The following AFTPH variants were observed in gnomAD, a reference collection of about 807,000 sequenced individuals.
AFTPH encodes aftiphilin protein.
In AFTPH, 7 loss-of-function variants were observed where a neutral mutation model predicts 72.5. The ratio of observed to expected loss-of-function variants is 0.10; its 90% confidence interval spans 0.05 to 0.18. AFTPH has a LOEUF of 0.18. AFTPH is among the 10% of genes least tolerant of loss of function. The pLI, the probability that AFTPH is intolerant of heterozygous loss-of-function variation, is 1.00. For synonymous variants in AFTPH, 337 were observed against 370.1 expected, an observed-to-expected ratio of 0.91 and a Z score of 1.03; for missense variants, 979 against 1,060.5, an observed-to-expected ratio of 0.92 and a Z score of 1.07.
At chr2:64,526,514 A>G (rs936125543) in intron 1 of AFTPH, among the ~76,000 whole-genome samples, 1 of 152,210 alleles carries the variant, frequency 6.6e-6, no homozygotes, top group African/African-American at 2.4e-5. Context: ...TGTTACCTAC[A>G]CTTTGTAGAT....
At chr2:64,584,593 ATTTT>A (rs5831705) in intron 7 of AFTPH, among the ~76,000 whole-genome samples, 4 of 117,000 alleles carry the variant, frequency 3.4e-5, no homozygotes, top group Admixed American at 1.9e-4. Context: ...CTTAGTCATG[ATTTT>A]TTTTTTTTTT....
chr2:64,553,070 A>G (rs1401682211), exon 2 of AFTPH: 6 of 1,614,112 alleles, frequency 3.7e-6, no homozygotes, highest in African/African-American at 2.7e-5. Flanking sequence ...AAAATGGGCA[A>G]GAAGGTGAGA....
Position 64,552,278 on chromosome 2 carries a change from T to C in AFTPH, c.804T>C (p.Asn268=), listed in dbSNP as rs762201238. 3 of 1,614,080 alleles carry C rather than the reference T, an allele frequency of 1.9e-6. No homozygotes were observed. The Admixed American group carries it at 5.0e-5, about 27-fold the overall frequency. ...CCATTCGGGAAAACAATAAAATTAA[T>C]AGAGTCAATGAACTGAATTCTGTAA... Residue 268 remains asparagine, a synonymous_variant, in exon 2 of 9, where the codon AAT becomes AAC. Coordinates refer to ENST00000238856, the Ensembl canonical transcript of AFTPH.
Position 64,553,001 on chromosome 2 carries a change from A to G in AFTPH, c.1527A>G (p.Glu509=), listed in dbSNP as rs1041446665. 3.7e-6 allele frequency: 6 copies of G among 1,614,060 alleles called. No homozygotes were observed. The Admixed American group carries it at 8.3e-5, about 22-fold the overall frequency. The stretch of plus-strand genomic sequence containing the variant: ...AACAGACTTCTGATAATTTATCAGA[A>G]GAATGTCAATTGGCAAGAAAATCTA... The change falls in exon 2 of 9, where the codon GAA becomes GAG. Residue 509 remains glutamate, a synonymous_variant. Coordinates refer to ENST00000238856, the Ensembl canonical transcript of AFTPH.
intron 7 of AFTPH, chr2:64,579,943 A>G (rs944916441): frequency 4.4e-5 from 7 of 158,186 alleles, no homozygotes; most frequent in Non-Finnish European, 8.0e-5. Context: ...ACAAAGCACA[A>G]TTATTTAGCC....
At chr2:64,584,155 G>C (rs1673366570) in intron 7 of AFTPH, among the ~76,000 whole-genome samples, 1 of 151,730 alleles carries the variant, frequency 6.6e-6, no homozygotes, top group Non-Finnish European at 1.5e-5. Flanking sequence ...CAAGTTATTT[G>C]CTGGTACCAG....
At chr2:64,588,397 T>C (rs2104258381) in intron 8 of AFTPH, among the ~76,000 whole-genome samples, 1 of 152,354 alleles carries the variant, frequency 6.6e-6, no homozygotes, top group African/African-American at 2.4e-5. Flanking sequence ...GTTGCTGCTG[T>C]GAACACTTGT....
At chr2:64,590,412 C>T (rs1673757079) in intron 8 of AFTPH, among the ~76,000 whole-genome samples, 1 of 152,158 alleles carries the variant, frequency 6.6e-6, no homozygotes, top group African/African-American at 2.4e-5. Flanking sequence ...TGTTATATCA[C>T]ATCAGAAGAT....
intron 6 of AFTPH, among the ~76,000 whole-genome samples, chr2:64,574,098 A>G (rs1356197218): frequency 1.3e-5 from 2 of 152,220 alleles, no homozygotes; most frequent in East Asian, 1.9e-4. Flanking sequence ...TACTCTTTCC[A>G]TATCAAGTTA....
At chr2:64,551,318 G>T (rs1218332856) in intron 1 of AFTPH, 125 bp from the exon 2 acceptor site, 7 of 746,268 alleles carry the variant, frequency 9.4e-6, no homozygotes, top group Non-Finnish European at 1.5e-5. Flanking sequence ...CATGGTCAAG[G>T]AAAAAAGGAG....
At chr2:64,525,736 T>G (rs1175079093) in intron 1 of AFTPH, among the ~76,000 whole-genome samples, 1 of 152,224 alleles carries the variant, frequency 6.6e-6, no homozygotes, top group African/African-American at 2.4e-5. Context: ...TTAATATAAT[T>G]AACACAGTCA....
intron 7 of AFTPH, among the ~76,000 whole-genome samples, chr2:64,583,214 C>T (rs1014211877): frequency 2.7e-5 from 4 of 150,590 alleles, no homozygotes; most frequent in African/African-American, 4.9e-5. Context: ...TCTTAGCTTG[C>T]GGTTATTTAA....
At chr2:64,585,671 G>A (rs1018946472) in intron 8 of AFTPH, 126 bp downstream of exon 9, 58 of 1,013,308 alleles carry the variant, frequency 5.7e-5, no homozygotes, top group African/African-American at 3.1e-4. Context: ...AAAGTCAGTC[G>A]ATGCCCAAGT....
At chr2:64,561,255 A>C (rs1228658453) in intron 2 of AFTPH, among the ~76,000 whole-genome samples, 1 of 152,248 alleles carries the variant, frequency 6.6e-6, no homozygotes. Context: ...TACTTCTGTG[A>C]ATGAAAAGGT....
At chr2:64,569,265 G>C in intron 4 of AFTPH, 47 bp downstream of exon 4, 1 of 1,564,034 alleles carries the variant, frequency 6.4e-7, no homozygotes, top group Non-Finnish European at 8.7e-7. Context: ...ACCTGTGGAT[G>C]TTTTAAAATT....
intron 1 of AFTPH, among the ~76,000 whole-genome samples, chr2:64,538,849 T>C (rs1670034069): frequency 6.6e-6 from 1 of 151,618 alleles, no homozygotes; most frequent in Non-Finnish European, 1.5e-5. Context: ...GTTGCAGTTT[T>C]ATAACCTTTA....
chr2:64,552,200 G>A (rs1558607104), exon 2 of AFTPH: 2 of 1,613,864 alleles, frequency 1.2e-6, no homozygotes, highest in Admixed American at 1.7e-5. Flanking sequence ...AAAAGGAAAG[G>A]ATACAATTAG....
intron 1 of AFTPH, among the ~76,000 whole-genome samples, chr2:64,548,433 A>AAAAAAAAAAAAAC (rs1243472946): frequency 1.3e-4 from 13 of 102,606 alleles, no homozygotes; most frequent in Admixed American, 1.9e-4. Flanking sequence ...AAAAAAAAAA[A>AAAAAAAAAAAAAC]AACTTTAGAA....
chr2:64,539,729 C>T (rs1328236580), intron 1 of AFTPH, among the ~76,000 whole-genome samples: 2 of 152,140 alleles, frequency 1.3e-5, no homozygotes, highest in African/African-American at 4.8e-5. Context: ...TCTATGCCTA[C>T]ACAACATTTA....
Sources: allele counts gnomAD v4.1 joint callset (sites outside exome capture counted in the v4.1 genomes callset), GRCh38; gene constraint gnomAD v4.1.1; transcripts MANE v1.5; gene names NCBI Gene and HGNC (gene_info 2026-07-23, HGNC 2026-07-21).